The following CD8B2 variants were observed in gnomAD, a reference collection of about 807,000 sequenced individuals.
CD8B2 encodes CD8B family member 2.
In CD8B2, 11 loss-of-function variants were observed where a neutral mutation model predicts 23.7. The ratio of observed to expected loss-of-function variants is 0.46; its 90% CI spans 0.29 to 0.77. CD8B2 has a LOEUF of 0.77. Among genes scored for constraint, CD8B2 ranks in the 30% least tolerant of loss-of-function variants. CD8B2 has a pLI of 0.09. For synonymous variants in CD8B2, 90 were observed against 109.3 expected, an observed-to-expected ratio of 0.82 and a Z score of 1.10; for missense variants, 197 against 270.5, an observed-to-expected ratio of 0.73 and a Z score of 1.91.
At chr2:106,502,443 G>A in intron 3 of CD8B2, 31 bp from the exon 4 acceptor site, 1 of 1,344,322 alleles carries the variant, frequency 7.4e-7, no homozygotes, top group South Asian at 1.3e-5. Flanking sequence ...AATGTTCTGT[G>A]TTGAACACAT....
At chr2:106,543,353 C>A (rs1042329471) in intron 5 of CD8B2, 1 of 152,058 alleles carries the variant, frequency 6.6e-6, no homozygotes, top group African/African-American at 2.4e-5. Context: ...ATAATAAGAA[C>A]CCCTCTTTAC....
chr2:106,493,659 C>T lies in CD8B2; in HGVS notation c.403+2426C>T, dbSNP rs191593007. On this transcript the variant is annotated intron_variant, in intron 2 of 5. Transcript: ENST00000643224. ...AGTTTCCTCTTACAATAGTTGCCCT[C>T]AGCACTATGATGACCCAGGGCCTTG... Among the ~76,000 whole-genome samples, 305 of 152,310 alleles carry T rather than the reference C, an allele frequency of 2.0e-3. 1 individual carries two copies. Among genetic ancestry groups the T allele is most frequent in the Non-Finnish European group, 3.7e-3 (255 of 68,032 alleles).
chr2:106,534,908 G>A (rs915426485), intron 5 of CD8B2, among the ~76,000 whole-genome samples: 5 of 152,156 alleles, frequency 3.3e-5, no homozygotes, highest in Admixed American at 6.5e-5. Flanking sequence ...AACCTCCTCC[G>A]CCTTCTGGGT....
At chr2:106,498,148 CT>C (rs1221860199) in intron 3 of CD8B2, among the ~76,000 whole-genome samples, 2 of 143,968 alleles carry the variant, frequency 1.4e-5, no homozygotes, top group East Asian at 3.9e-4. Context: ...TCTTTTCTTT[CT>C]TTCTTTTTTT....
At chr2:106,528,176 T>C (rs1679941690) in intron 5 of CD8B2, among the ~76,000 whole-genome samples, 1 of 152,258 alleles carries the variant, frequency 6.6e-6, no homozygotes, top group South Asian at 2.1e-4. Context: ...ATATTGACTT[T>C]GGAGAAATAT....
rs1409472691 is a variant in CD8B2 at position 106,495,396 on chromosome 2, G to A, written c.404-777G>A. ...AATTAGACGAATGCAGTGGCACGACGAATGCAGTGGTACGCGCCTGTAATC... is the reference window on the plus strand; with the variant it reads ...AATTAGACGAATGCAGTGGCACGACAAATGCAGTGGTACGCGCCTGTAATC... On this transcript the variant is annotated intron_variant, in intron 2 of 5. Transcript: ENST00000643224. Among the ~76,000 whole-genome samples, 7 of 152,184 alleles carry A rather than the reference G, an allele frequency of 4.6e-5. No homozygotes were observed. In the East Asian group the frequency reaches 9.7e-4, roughly 21 times the overall value.
intron 5 of CD8B2, among the ~76,000 whole-genome samples, chr2:106,520,685 C>T (rs1415256613): frequency 6.6e-6 from 1 of 152,056 alleles, no homozygotes; most frequent in Non-Finnish European, 1.5e-5. Context: ...TGAGGTCCAA[C>T]ATGGTGAAAC....
downstream of CD8B2, among the ~76,000 whole-genome samples, chr2:106,513,106 G>T (rs1679668542): frequency 6.6e-6 from 1 of 151,420 alleles, no homozygotes; most frequent in South Asian, 2.1e-4. Flanking sequence ...CTCCTCTGCT[G>T]GCTCCCCCAC....
At chr2:106,528,312 G>T (rs1679943745) in intron 5 of CD8B2, among the ~76,000 whole-genome samples, 1 of 152,160 alleles carries the variant, frequency 6.6e-6, no homozygotes, top group Non-Finnish European at 1.5e-5. Flanking sequence ...CCTAAACCAA[G>T]ATAGTGAAGA....
At chr2:106,498,619 T>C (rs1326145065) in intron 3 of CD8B2, among the ~76,000 whole-genome samples, 1 of 152,118 alleles carries the variant, frequency 6.6e-6, no homozygotes, top group African/African-American at 2.4e-5. Context: ...AGAGTGGCCC[T>C]GGGTCAGTGT....
chr2:106,526,564 A>T (rs2104571116), intron 5 of CD8B2, among the ~76,000 whole-genome samples: 1 of 152,324 alleles, frequency 6.6e-6, no homozygotes, highest in Admixed American at 6.5e-5. Flanking sequence ...AATGTTTTCA[A>T]GTTGTATACA....
At chr2:106,529,961 T>C (rs1001942946) in intron 5 of CD8B2, among the ~76,000 whole-genome samples, 2 of 152,208 alleles carry the variant, frequency 1.3e-5, no homozygotes, top group African/African-American at 4.8e-5. Flanking sequence ...TAAGTGGGAC[T>C]ACGAAGTACT....
chr2:106,528,699 C>A (rs977026914), intron 5 of CD8B2, among the ~76,000 whole-genome samples: 2 of 152,286 alleles, frequency 1.3e-5, no homozygotes, highest in Admixed American at 6.5e-5. Flanking sequence ...TGAATATTTA[C>A]TTTGTATCAA....
At chr2:106,499,011 G>C (rs528078902) in intron 3 of CD8B2, among the ~76,000 whole-genome samples, 57 of 152,156 alleles carry the variant, frequency 3.7e-4, no homozygotes, top group Admixed American at 6.5e-5. Flanking sequence ...GCTGGGCTGG[G>C]GGTGTCATTG....
At chr2:106,534,629 G>C (rs773729775) in intron 5 of CD8B2, among the ~76,000 whole-genome samples, 27 of 152,164 alleles carry the variant, frequency 1.8e-4, no homozygotes, top group Non-Finnish European at 3.5e-4. Context: ...CCAGGGACCA[G>C]AGCTAGCCCT....
intron 5 of CD8B2, among the ~76,000 whole-genome samples, chr2:106,542,580 G>C (rs1280789467): frequency 6.7e-6 from 1 of 149,988 alleles, no homozygotes; most frequent in Admixed American, 6.7e-5. Context: ...GGGTAGACCA[G>C]AAGGATGTAA....
chr2:106,534,884 T>A (rs1680062765), intron 5 of CD8B2, among the ~76,000 whole-genome samples: 1 of 152,176 alleles, frequency 6.6e-6, no homozygotes, highest in Non-Finnish European at 1.5e-5. Flanking sequence ...AGTTGTGAGA[T>A]CTTGGCTCAC....
At chr2:106,537,035 C>G (rs991948034) in intron 5 of CD8B2, among the ~76,000 whole-genome samples, 1 of 152,188 alleles carries the variant, frequency 6.6e-6, no homozygotes, top group Non-Finnish European at 1.5e-5. Context: ...GCTGTTGGCT[C>G]TAGGTGCCCT....
At chr2:106,543,327 G>C (rs1680206319) in intron 5 of CD8B2, 1 of 152,106 alleles carries the variant, frequency 6.6e-6, no homozygotes, top group South Asian at 2.1e-4. Context: ...AGCAGTTCGA[G>C]ACCAGCCTGG....
Sources: gnomAD v4.1 joint callset for allele counts (sites outside exome capture counted in the v4.1 genomes callset) on GRCh38, gnomAD v4.1.1 for gene constraint, MANE v1.5 for transcripts, NCBI Gene and HGNC (gene_info 2026-07-23, HGNC 2026-07-21) for gene names.